The following RANBP17 variants were observed in gnomAD, a reference collection of about 807,000 sequenced individuals.
RANBP17 encodes the protein ran-binding protein 17.
RANBP17 carries 158 observed loss-of-function variants against 141.2 expected under a neutral mutation model. The ratio of observed to expected loss-of-function variants is 1.12; its 90% CI spans 0.98 to 1.28. The LOEUF is 1.28. RANBP17 is among the 50% of genes most tolerant of loss of function. The probability of loss-of-function intolerance (pLI) is 0.00; values close to 1 mark genes in which losing one functional copy is unlikely to be tolerated. For missense variants in RANBP17, 1,438 were observed against 1,290.7 expected (o/e 1.11, Z -1.75); for synonymous variants, 430 against 450.0 (o/e 0.96, Z 0.56).
chr5:171,265,955 G>A, intron 25 of RANBP17, 108 bp downstream of exon 25: 4 of 850,892 alleles, frequency 4.7e-6, no homozygotes, highest in South Asian at 3.7e-5. Flanking sequence ...TTTTATACTG[G>A]TAAAAAATAT....
chr5:171,062,575 C>G (rs1262174832), intron 14 of RANBP17, among the ~76,000 whole-genome samples: 1 of 152,282 alleles, frequency 6.6e-6, no homozygotes, highest in East Asian at 1.9e-4. Context: ...CAACCTTTCT[C>G]TCTGGCTGCC....
intron 12 of RANBP17, among the ~76,000 whole-genome samples, chr5:170,932,362 A>G (rs913370485): frequency 2.0e-5 from 3 of 152,188 alleles, no homozygotes; most frequent in African/African-American, 7.2e-5. Context: ...AACAGGGACA[A>G]TTTGACTTCC....
chr5:171,084,182 A>G (rs536786266), intron 14 of RANBP17, among the ~76,000 whole-genome samples: 12 of 144,766 alleles, frequency 8.3e-5, no homozygotes, highest in South Asian at 4.5e-4. Context: ...TCATAGTTCA[A>G]TTCCCACCTA....
intron 14 of RANBP17, among the ~76,000 whole-genome samples, chr5:171,132,422 T>A (rs567803891): frequency 2.0e-5 from 3 of 151,964 alleles, no homozygotes; most frequent in East Asian, 3.9e-4. Context: ...TAAAATTTGT[T>A]TTGATAATAG....
At chr5:170,919,976 T>G (rs1221026049) in intron 11 of RANBP17, among the ~76,000 whole-genome samples, 1 of 152,116 alleles carries the variant, frequency 6.6e-6, no homozygotes, top group Non-Finnish European at 1.5e-5. Flanking sequence ...TTTGAGAGAT[T>G]CCTCTGTGTT....
intron 20 of RANBP17, among the ~76,000 whole-genome samples, chr5:171,212,298 G>A (rs1762945392): frequency 6.6e-6 from 1 of 152,318 alleles, no homozygotes; most frequent in Middle Eastern, 3.4e-3. Context: ...TGTTGTAAGA[G>A]AGATATGGTC....
At chr5:171,120,360 T>C (rs1216596228) in intron 14 of RANBP17, among the ~76,000 whole-genome samples, 3 of 152,162 alleles carry the variant, frequency 2.0e-5, no homozygotes. Context: ...GAGCCAGGAA[T>C]TGGAGTAAAA....
chr5:170,934,208 T>A (rs532399368), intron 12 of RANBP17, among the ~76,000 whole-genome samples: 1 of 152,346 alleles, frequency 6.6e-6, no homozygotes, highest in South Asian at 2.1e-4. Context: ...TGGTTTAAAG[T>A]CTGTTTTATC....
intron 25 of RANBP17, among the ~76,000 whole-genome samples, chr5:171,278,602 A>C (rs527796061): frequency 6.6e-6 from 1 of 152,352 alleles, no homozygotes; most frequent in African/African-American, 2.4e-5. Flanking sequence ...CCATATGCTC[A>C]GAGAAATAGC....
chr5:170,867,760 AT>A (rs1186034507), intron 1 of RANBP17, among the ~76,000 whole-genome samples: 1 of 152,224 alleles, frequency 6.6e-6, no homozygotes, highest in Non-Finnish European at 1.5e-5. Context: ...CTGAAGTACA[AT>A]TGATAATAAA....
chr5:171,150,254 G>A (rs538703435), intron 14 of RANBP17, among the ~76,000 whole-genome samples: 39 of 151,570 alleles, frequency 2.6e-4, no homozygotes, highest in African/African-American at 8.5e-4. Flanking sequence ...TTTTAATTTA[G>A]GTGCAATGTG....
At chr5:171,182,979 G>A (rs1378071063) in intron 16 of RANBP17, among the ~76,000 whole-genome samples, 188 bp from the exon 17 acceptor site, 1 of 152,086 alleles carries the variant, frequency 6.6e-6, no homozygotes, top group African/African-American at 2.4e-5. Flanking sequence ...GATAGAAAAA[G>A]TAATTGCATT....
chr5:171,176,930 G>A (rs1163686790), intron 16 of RANBP17, among the ~76,000 whole-genome samples: 1 of 152,130 alleles, frequency 6.6e-6, no homozygotes, highest in Non-Finnish European at 1.5e-5. Flanking sequence ...AATGAAACAA[G>A]GGTGATGGAT....
chr5:170,968,935 TG>T, intron 14 of RANBP17, among the ~76,000 whole-genome samples: 1 of 151,962 alleles, frequency 6.6e-6, no homozygotes, highest in South Asian at 2.1e-4. Flanking sequence ...AGGGCATTTA[TG>T]TGAAACCTAA....
chr5:170,944,520 A>G (rs1257154600), intron 12 of RANBP17, among the ~76,000 whole-genome samples: 1 of 152,198 alleles, frequency 6.6e-6, no homozygotes, highest in Non-Finnish European at 1.5e-5. Flanking sequence ...TGCCTGCCTC[A>G]GCCTCCCAAA....
intron 14 of RANBP17, among the ~76,000 whole-genome samples, chr5:171,105,153 C>T (rs191427392): frequency 0.052 from 7,907 of 151,172 alleles, 264 homozygotes; most frequent in East Asian, 0.12. Flanking sequence ...GAGGCCAAGG[C>T]GGGCAGATCA....
At chr5:171,142,328 A>AG (rs1219125274) in intron 14 of RANBP17, among the ~76,000 whole-genome samples, 1 of 152,204 alleles carries the variant, frequency 6.6e-6, no homozygotes, top group East Asian at 1.9e-4. Flanking sequence ...CAGTAATTGA[A>AG]GAAAAAAATA....
At position 171,062,747 on chromosome 5, in the gene RANBP17, C is replaced by T. The variant is rs531639127; in HGVS notation, c.1710+94370C>T. On this transcript the variant is annotated intron_variant, in intron 14 of 27. Transcript: ENST00000523189. Reference sequence around the variant, plus strand: ...GGAAGTTCTCCTGGATAATATCCTGCAGAGTGTTTTCCAACTTGTTTCCAT... The same window carrying T: ...GGAAGTTCTCCTGGATAATATCCTGTAGAGTGTTTTCCAACTTGTTTCCAT... Among the ~76,000 whole-genome samples, 589 of 152,326 alleles carry T rather than the reference C, an allele frequency of 3.9e-3. 2 individuals carry two copies. The highest frequency in any genetic ancestry group is 0.01 in the Middle Eastern group (3 of 294).
At chr5:170,903,247 C>G (rs1005076375) in intron 5 of RANBP17, among the ~76,000 whole-genome samples, 1 of 152,226 alleles carries the variant, frequency 6.6e-6, no homozygotes, top group East Asian at 1.9e-4. Context: ...GTGGGCTCCG[C>G]CCATTTTGAA....
Sources: allele counts gnomAD v4.1 joint callset (sites outside exome capture counted in the v4.1 genomes callset), GRCh38; gene constraint gnomAD v4.1.1; transcripts MANE v1.5; gene names NCBI Gene and HGNC (gene_info 2026-07-23, HGNC 2026-07-21).